Variants in ZNF462 observed in about 807,000 individuals in gnomAD.
The protein encoded by ZNF462 is zinc finger protein 462.
In ZNF462, 10 loss-of-function variants were observed where a neutral mutation model predicts 201.9. The ratio of observed to expected loss-of-function variants is 0.05; its 90% CI spans 0.03 to 0.08. The LOEUF (loss-of-function observed/expected upper bound fraction) is 0.08. ZNF462 is among the 10% of genes least tolerant of loss of function. The pLI, the probability that ZNF462 is intolerant of heterozygous loss-of-function variation, is 1.00. For synonymous variants in ZNF462, 1,227 were observed against 1,193.3 expected (o/e 1.03, Z -0.58); for missense variants, 2,523 against 3,168.3 (o/e 0.80, Z 4.89).
intron 10 of ZNF462, among the ~76,000 whole-genome samples, chr9:106,991,456 A>G (rs1380640719): frequency 6.6e-6 from 1 of 152,022 alleles, no homozygotes; most frequent in East Asian, 1.9e-4. Context: ...CAATATTGGT[A>G]ATTCTTTTCA....
At position 106,870,257 on chromosome 9, in the gene ZNF462, TCCTAG is replaced by T. The variant is rs1171395741; in HGVS notation, c.-31+6904_-31+6908del. Among the ~76,000 whole-genome samples, 1 of 152,204 alleles carries T rather than the reference TCCTAG, an allele frequency of 6.6e-6. No homozygotes were observed. Among genetic ancestry groups the T allele is most frequent in the African/African-American group, 2.4e-5 (1 of 41,456 alleles). ...TGTCTTCAAAGCATTCTTGCCTAAT[TCCTAG>T]CTGGAGACATTTTTTCTTGAGTTAT... is the stretch of plus-strand genomic sequence containing the variant. On this transcript the variant is annotated intron_variant, in intron 1 of 12. Transcript: ENST00000277225. The surrounding 1 kb of genome is among the most constrained non-coding windows in gnomAD (Gnocchi z 4.3).
rs557102097 is a variant in ZNF462 at position 106,978,110 on chromosome 9, T to C, written c.6832+3837T>C. Among the ~76,000 whole-genome samples, 9 of 151,628 alleles carry C rather than the reference T, an allele frequency of 5.9e-5. 1 individual carries two copies. The highest frequency in any genetic ancestry group is 2.2e-4 in the African/African-American group (9 of 40,904). On this transcript the variant is annotated intron_variant, in intron 9 of 12. Coordinates refer to ENST00000277225, the MANE Select transcript of ZNF462 (RefSeq NM_021224.6). The surrounding 1 kb of genome is among the most constrained non-coding windows in gnomAD (Gnocchi z 4.1). ...TCTTTTCTTCTTATAAGAACACTAG[T>C]CATTGGGTTTAGGGCACACCCTAAT... is the stretch of plus-strand genomic sequence containing the variant.
rs762561021 is a variant in ZNF462 at position 106,932,508 on chromosome 9, C to T, written c.6075C>T (p.Tyr2025=). The T allele has an allele frequency of 1.2e-6, 2 of 1,614,134 alleles. No individual in the cohort carries two copies. Among genetic ancestry groups the T allele is most frequent in the African/African-American group, 2.7e-5 (2 of 74,954 alleles). The change falls in exon 5 of 13, where the codon TAC becomes TAT. Residue 2025 remains tyrosine (Y), a synonymous_variant. Transcript: ENST00000277225. The surrounding 1 kb of genome is among the most constrained non-coding windows in gnomAD (Gnocchi z 6.8). ...ALAMFTREDK[Y]SCQYCSFVSA... ...CCATGTTTACCCGCGAGGACAAGTA[C>T]AGCTGCCAGTATTGCTCGTTTGTTT...
intron 7 of ZNF462, among the ~76,000 whole-genome samples, chr9:106,947,589 A>G (rs1398441520): frequency 2.6e-5 from 4 of 152,238 alleles, no homozygotes; most frequent in African/African-American, 9.6e-5. Flanking sequence ...ATTTTTTAAA[A>G]TTCTACCAAT....
chr9:106,877,072 G>C (rs890815013), intron 1 of ZNF462, among the ~76,000 whole-genome samples: 1 of 152,148 alleles, frequency 6.6e-6, no homozygotes, highest in African/African-American at 2.4e-5. Context: ...TTTAAGGGTA[G>C]ATGATATTTT....
At chr9:106,867,884 A>G (rs142207558) in intron 1 of ZNF462, among the ~76,000 whole-genome samples, 3 of 152,334 alleles carry the variant, frequency 2.0e-5, no homozygotes, top group African/African-American at 7.2e-5. Context: ...ACAAAACTGT[A>G]TCAGATATTC....
At chr9:106,904,278 G>T (rs1307905610) in intron 1 of ZNF462, among the ~76,000 whole-genome samples, 6 of 152,148 alleles carry the variant, frequency 3.9e-5, no homozygotes, top group African/African-American at 1.4e-4. Context: ...CTAGCTTGTA[G>T]GGTTTCTGCT....
intron 1 of ZNF462, among the ~76,000 whole-genome samples, chr9:106,866,290 A>G (rs753576402): frequency 6.6e-6 from 1 of 152,214 alleles, no homozygotes; most frequent in Non-Finnish European, 1.5e-5. Flanking sequence ...TTTTGTACAT[A>G]TTGAAGTGGT....
chr9:106,966,008 C>G lies in ZNF462; in HGVS notation c.6428-5997C>G, dbSNP rs750889079. 1.3e-5 allele frequency among the ~76,000 whole-genome samples: 2 copies of G among 152,106 alleles called. No individual in the cohort carries two copies. On this transcript the variant is annotated intron_variant, in intron 7 of 12. Transcript: ENST00000277225. This position sits in a 1 kb window ranked among gnomAD's most constrained non-coding sequence, Gnocchi z 4.4. ...AATTTTCTTCACTAGAAATAATGGT[C>G]TATACGTCTAGCTTATTTGGGTTCT...
At chr9:106,994,895 T>C (rs1330585200) in intron 10 of ZNF462, among the ~76,000 whole-genome samples, 1 of 152,198 alleles carries the variant, frequency 6.6e-6, no homozygotes, top group Non-Finnish European at 1.5e-5. Context: ...TTAAGGCAGA[T>C]TTATTTATCT....
At chr9:106,908,902 C>CGTATATACATATATAT (rs1564090567) in intron 1 of ZNF462, among the ~76,000 whole-genome samples, 43 of 77,218 alleles carry the variant, frequency 5.6e-4, no homozygotes, top group African/African-American at 2.7e-3. Flanking sequence ...AATATTTGCC[C>CGTATATACATATATAT]ATATATACAT....
Position 106,920,093 on chromosome 9 carries a change from G to T in ZNF462, c.-30-3261G>T, listed in dbSNP as rs1387934035. Among the ~76,000 whole-genome samples, 2 of 151,566 alleles carry T rather than the reference G, an allele frequency of 1.3e-5. No homozygotes were observed. Among genetic ancestry groups the T allele is most frequent in the Non-Finnish European group, 2.9e-5 (2 of 67,984 alleles). ...TCAGTGACTAGGTTAGCCTCTTAGG[G>T]TTGCTGCTCTTCGGGATTGATGAAG... On this transcript the variant is annotated intron_variant, in intron 1 of 12. Transcript: ENST00000277225. The surrounding 1 kb of genome is among the most constrained non-coding windows in gnomAD (Gnocchi z 4.3).
At chr9:106,862,529 TCTCCTTCTCCTTTGC>T (rs202115069), upstream of ZNF462, among the ~76,000 whole-genome samples, 2,659 of 151,918 alleles carry the variant, frequency 0.018, 35 homozygotes, top group South Asian at 0.048. This position sits in a 1 kb window ranked among gnomAD's most constrained non-coding sequence, Gnocchi z 4.2. Context: ...CTCTTCCCCT[TCTCCTTCTCCTTTGC>T]CTCCTTCTCC....
Position 107,010,780 on chromosome 9 carries a change from T to G in ZNF462, c.7314-43T>G. The G allele has an allele frequency of 1.3e-6, 2 of 1,509,934 alleles. No individual in the cohort carries two copies. Among genetic ancestry groups the G allele is most frequent in the African/African-American group, 1.4e-5 (1 of 70,282 alleles). 93.5% of individuals were successfully genotyped at this position (1,509,934 alleles called of 1,614,324 possible). A position where few individuals can be genotyped will look rare whatever the true frequency, so the allele number is the denominator to read the frequency against. On this transcript the variant is annotated intron_variant, in intron 12 of 12. Coordinates refer to ENST00000277225, the MANE Select transcript of ZNF462 (RefSeq NM_021224.6). This position sits in a 1 kb window ranked among gnomAD's most constrained non-coding sequence, Gnocchi z 4.6. ...ATTTTTTTGTTTAAAAAGAGAAATA[T>G]ATATACTATACTCATCTGTCTCTTC...
Position 106,925,919 on chromosome 9 carries a change from C to T in ZNF462, c.2007C>T (p.Asn669=), listed in dbSNP as rs771159850. The change falls in exon 3 of 13, where the codon AAC becomes AAT. Residue 669 remains asparagine (N), a synonymous_variant. Transcript: ENST00000277225. This position sits in a 1 kb window ranked among gnomAD's most constrained non-coding sequence, Gnocchi z 7.9. ...QTSILGLSSK[N]NFVAKASRKL... is the part of the protein sequence containing the mutation. ...CAATTCTTGGGTTGTCCTCCAAGAA[C>T]AATTTTGTAGCTAAAGCCTCTAGGA... The T allele has an allele frequency of 1.2e-6, 2 of 1,614,050 alleles. No individual in the cohort carries two copies. The highest frequency in any genetic ancestry group is 2.2e-5 in the East Asian group (1 of 44,892).
intron 1 of ZNF462, among the ~76,000 whole-genome samples, chr9:106,888,087 G>T (rs1828403464): frequency 6.6e-6 from 1 of 151,346 alleles, no homozygotes; most frequent in African/African-American, 2.4e-5. Flanking sequence ...TGTCGCTCAG[G>T]CTGGAGTGCA....
intron 1 of ZNF462, among the ~76,000 whole-genome samples, chr9:106,878,306 C>T (rs1404924219): frequency 6.6e-6 from 1 of 152,190 alleles, no homozygotes; most frequent in East Asian, 1.9e-4. Context: ...CCATCTCTAC[C>T]GTTCATTTGC....
At chr9:106,967,735 A>G (rs1335246762) in intron 7 of ZNF462, among the ~76,000 whole-genome samples, 5 of 152,202 alleles carry the variant, frequency 3.3e-5, no homozygotes, top group African/African-American at 7.2e-5. Flanking sequence ...TAACTAAAGC[A>G]TGACATTTAG....
upstream of ZNF462, among the ~76,000 whole-genome samples, chr9:106,860,618 C>T (rs1161711569): frequency 6.6e-6 from 1 of 152,216 alleles, no homozygotes; most frequent in African/African-American, 2.4e-5. The surrounding 1 kb of genome is among the most constrained non-coding windows in gnomAD (Gnocchi z 7.1). Context: ...GAGCTTTCAA[C>T]CTGAAATACG....
Sources: allele counts gnomAD v4.1 joint callset (sites outside exome capture counted in the v4.1 genomes callset), GRCh38; gene constraint gnomAD v4.1.1; non-coding constraint Gnocchi (gnomAD v3.1); transcripts MANE v1.5; gene names NCBI Gene and HGNC (gene_info 2026-07-23, HGNC 2026-07-21).